The following AFF1 variants were observed in gnomAD, a reference collection of about 807,000 sequenced individuals.
AFF1 encodes the protein ALF transcription elongation factor 1, also known as AF4/FMR2 family member 1.
Under a neutral mutation model 121.7 loss-of-function variants are expected in AFF1, and 48 were observed. The observed-to-expected ratio is 0.39, with a 90% confidence interval of 0.31 to 0.50. The LOEUF (loss-of-function observed/expected upper bound fraction) is 0.50, where lower values mean the gene tolerates loss of function less well. Among genes scored for constraint, AFF1 ranks in the 20% least tolerant of loss-of-function variants. The pLI, the probability that AFF1 is intolerant of heterozygous loss-of-function variation, is 0.76. For missense variants in AFF1, 1,523 were observed against 1,511.7 expected, an observed-to-expected ratio of 1.01 and a Z score of -0.12; for synonymous variants, 613 against 563.0, an observed-to-expected ratio of 1.09 and a Z score of -1.26.
chr4:87,059,981 G>A (rs1212331327), intron 4 of AFF1, among the ~76,000 whole-genome samples: 1 of 152,178 alleles, frequency 6.6e-6, no homozygotes, highest in Non-Finnish European at 1.5e-5. Flanking sequence ...GCTCACTCTG[G>A]TCTGGAGTCT....
intron 2 of AFF1, among the ~76,000 whole-genome samples, chr4:86,962,145 CTTTTTTTT>C (rs3035474): frequency 1.0e-3 from 122 of 122,580 alleles, no homozygotes; most frequent in African/African-American, 3.6e-3. Context: ...GTTATTGTTT[CTTTTTTTT>C]TTTTTTTTTT....
intron 11 of AFF1, among the ~76,000 whole-genome samples, chr4:87,113,482 G>A (rs906027865): frequency 5.3e-5 from 8 of 152,086 alleles, no homozygotes; most frequent in African/African-American, 1.9e-4. Flanking sequence ...TGTTGCCCAG[G>A]CTGGTCTTGA....
intron 4 of AFF1, among the ~76,000 whole-genome samples, chr4:87,070,736 A>C (rs1721948082): frequency 6.6e-6 from 1 of 152,254 alleles, no homozygotes; most frequent in African/African-American, 2.4e-5. Flanking sequence ...GGAAAATTTC[A>C]AAATAATTTT....
At chr4:87,018,474 G>T (rs1459279468) in intron 2 of AFF1, among the ~76,000 whole-genome samples, 1 of 152,238 alleles carries the variant, frequency 6.6e-6, no homozygotes, top group African/African-American at 2.4e-5. Context: ...AAAGGTAATT[G>T]TCCTTCTAGA....
chr4:87,006,046 A>C (rs1726087431), intron 2 of AFF1, among the ~76,000 whole-genome samples: 1 of 152,252 alleles, frequency 6.6e-6, no homozygotes, highest in East Asian at 1.9e-4. Context: ...AACCCTTGAT[A>C]GAGGTGCCTT....
At chr4:87,062,508 T>C (rs1231015473) in intron 4 of AFF1, among the ~76,000 whole-genome samples, 1 of 152,080 alleles carries the variant, frequency 6.6e-6, no homozygotes, top group African/African-American at 2.4e-5. Context: ...GAGTTATCGA[T>C]GCTTTTTTCA....
intron 2 of AFF1, among the ~76,000 whole-genome samples, chr4:87,004,530 A>AT (rs1262184741): frequency 6.6e-6 from 1 of 152,216 alleles, no homozygotes; most frequent in Non-Finnish European, 1.5e-5. Flanking sequence ...GTCTGGCTTA[A>AT]TAGAAGACAG....
chr4:86,954,913 G>A (rs568480359), intron 2 of AFF1, among the ~76,000 whole-genome samples: 1 of 152,144 alleles, frequency 6.6e-6, no homozygotes, highest in Non-Finnish European at 1.5e-5. Context: ...TATTTCTTCT[G>A]TTCAATATAT....
chr4:87,097,748 G>A (rs954706649), intron 8 of AFF1, among the ~76,000 whole-genome samples: 2 of 152,124 alleles, frequency 1.3e-5, no homozygotes, highest in African/African-American at 4.8e-5. Context: ...TGGTGGTATT[G>A]ATAAGTGCCA....
intron 2 of AFF1, among the ~76,000 whole-genome samples, chr4:86,970,963 C>G (rs551467506): frequency 3.3e-5 from 5 of 152,202 alleles, no homozygotes; most frequent in African/African-American, 1.2e-4. Context: ...AGGGCCTTGT[C>G]GGCCGTTGGA....
chr4:87,094,814 T>C, intron 7 of AFF1, 101 bp from the exon 8 acceptor site: 2 of 1,000,508 alleles, frequency 2.0e-6, no homozygotes, highest in Non-Finnish European at 3.1e-6. Context: ...CCAAGTGCAG[T>C]GTGTTTAGGT....
chr4:87,107,507 G>A (rs1271473843), intron 10 of AFF1, among the ~76,000 whole-genome samples: 2 of 152,188 alleles, frequency 1.3e-5, no homozygotes, highest in Non-Finnish European at 2.9e-5. Flanking sequence ...GTTCTTCCAG[G>A]AAGTGTGAGT....
chr4:87,000,621 G>C (rs898020696), intron 2 of AFF1, among the ~76,000 whole-genome samples: 1 of 137,968 alleles, frequency 7.2e-6, no homozygotes, highest in African/African-American at 3.4e-5. Flanking sequence ...GTGTGTGTGT[G>C]TGTGTGTGTG....
Position 87,085,751 on chromosome 4 carries a change from CTTTTTT to C in AFF1, c.1104+1597_1104+1602del, listed in dbSNP as rs200938461. ...AGAAAGAACCTCTAGAGAAACATAC[CTTTTTT>C]TTTTTTTTTGAGACAGAGTCTCTCT... On this transcript the variant is annotated intron_variant, in intron 5 of 20. Coordinates refer to ENST00000395146, the MANE Select transcript of AFF1 (RefSeq NM_001166693.3). 2.2e-5 allele frequency among the ~76,000 whole-genome samples: 3 copies of C among 139,092 alleles called. No homozygotes were observed. In the Admixed American group the frequency reaches 2.2e-4, roughly 10 times the overall value. The allele number at this position is 139,092 out of a possible 152,430, so 91.2% of individuals were successfully genotyped here.
At chr4:87,089,228 A>T (rs1288728198) in intron 5 of AFF1, among the ~76,000 whole-genome samples, 1 of 152,100 alleles carries the variant, frequency 6.6e-6, no homozygotes. Context: ...TTGTGTGTGT[A>T]TGTGTATTTG....
intron 2 of AFF1, among the ~76,000 whole-genome samples, chr4:87,023,928 G>A (rs1178233136): frequency 6.6e-6 from 1 of 152,176 alleles, no homozygotes; most frequent in Non-Finnish European, 1.5e-5. Context: ...ATTCTTTGGG[G>A]CAGGGGCATT....
At chr4:87,055,556 C>G (rs1042241736) in intron 4 of AFF1, among the ~76,000 whole-genome samples, 3 of 152,180 alleles carry the variant, frequency 2.0e-5, no homozygotes, top group Admixed American at 6.5e-5. Flanking sequence ...TATAGACATT[C>G]AACTCTTTTG....
Position 87,138,721 on chromosome 4 carries a change from A to G in AFF1, c.*3020A>G. On this transcript the variant is annotated 3_prime_UTR_variant, in exon 21 of 21. Coordinates refer to ENST00000395146, the MANE Select transcript of AFF1 (RefSeq NM_001166693.3). Reference sequence around the variant, plus strand: ...TGGTGAGGAGTGGGAGGGCCCAGCAAGCATTTATCAGAAATAGAATCACAA... The same window carrying G: ...TGGTGAGGAGTGGGAGGGCCCAGCAGGCATTTATCAGAAATAGAATCACAA... 4.3e-6 allele frequency: 1 copy of G among 231,240 alleles called. No homozygotes were observed. The highest frequency in any genetic ancestry group is 2.2e-5 in the African/African-American group (1 of 45,364). The allele number at this position is 231,240 out of a possible 1,614,324, so 14.3% of individuals were successfully genotyped here.
intron 10 of AFF1, 90 bp from the exon 11 acceptor site, chr4:87,108,069 C>A: frequency 6.9e-7 from 1 of 1,452,130 alleles, no homozygotes; most frequent in South Asian, 1.3e-5. Context: ...CAAGGCCCGC[C>A]CTTTTGAGTA....
Sources: gnomAD v4.1 joint callset for allele counts (sites outside exome capture counted in the v4.1 genomes callset) on GRCh38, gnomAD v4.1.1 for gene constraint, MANE v1.5 for transcripts, NCBI Gene and HGNC (gene_info 2026-07-23, HGNC 2026-07-21) for gene names.